The following UQCRC2 variants were observed in gnomAD, a reference collection of about 807,000 sequenced individuals.
UQCRC2 encodes the protein cytochrome b-c1 complex subunit 2, mitochondrial.
UQCRC2 carries 49 observed loss-of-function variants against 55.6 expected under a neutral mutation model. The observed-to-expected ratio is 0.88, with a 90% CI of 0.70 to 1.12. The LOEUF is 1.12. Among genes scored for constraint, UQCRC2 ranks in the 50% most tolerant of loss-of-function variants. The probability of loss-of-function intolerance (pLI) is 0.00; values close to 1 mark genes in which losing one functional copy is unlikely to be tolerated. For synonymous variants in UQCRC2, 193 were observed against 192.0 expected (o/e 1.01, Z -0.04); for missense variants, 506 against 547.8 (o/e 0.92, Z 0.76).
intron 12 of UQCRC2, 21 bp from the exon 13 acceptor site, chr16:21,980,525 AC>A: frequency 6.2e-7 from 1 of 1,606,636 alleles, no homozygotes; most frequent in South Asian, 1.1e-5. Context: ...TCTAAAACTG[AC>A]TTCTGCCTTT....
chr16:21,983,180 C>A lies in UQCRC2; in HGVS notation c.*9C>A, dbSNP rs1268101617. The A allele has an allele frequency of 1.9e-6, 3 of 1,611,662 alleles. No individual in the cohort carries two copies. In the Admixed American group the frequency reaches 5.0e-5, roughly 27 times the overall value. ...TTGTTGATGAGTTGTAATACTGATG[C>A]ACACATTACAGGAGAGAGCTGAACG... On this transcript the variant is annotated 3_prime_UTR_variant, in exon 14 of 14. Transcript: ENST00000268379.
At chr16:21,958,299 C>T (rs1567468675) in intron 3 of UQCRC2, among the ~76,000 whole-genome samples, 1 of 152,134 alleles carries the variant, frequency 6.6e-6, no homozygotes, top group Non-Finnish European at 1.5e-5. Context: ...TCAGAATAGA[C>T]TAATGAATCC....
chr16:21,972,024 C>T lies in UQCRC2; in HGVS notation c.868C>T (p.Gln290Ter). ...SAEANAFSVL[Q>*]HVLGAGPHVK... is the part of the protein sequence containing the mutation. ...AGAGGCAAATGCATTTAGTGTTCTT[C>T]AGCATGTCCTCGGTGCTGGGCCACA... Residue 290 changes from glutamine to a stop codon, truncating the protein, a stop_gained, in exon 10 of 14, where the codon CAG (glutamine) becomes TAG (stop). Coordinates refer to ENST00000268379, the MANE Select transcript of UQCRC2 (RefSeq NM_003366.4). LOFTEE classifies it high-confidence loss of function. 1 of 1,614,198 alleles carries T rather than the reference C, an allele frequency of 6.2e-7. No homozygotes were observed. Among genetic ancestry groups the T allele is most frequent in the Non-Finnish European group, 8.5e-7 (1 of 1,180,026 alleles).
intron 12 of UQCRC2, chr16:21,976,457 C>T (rs1898588516): frequency 2.4e-6 from 1 of 424,094 alleles, no homozygotes; most frequent in Non-Finnish European, 4.2e-6. Context: ...TTTGGGAGGC[C>T]AAGGCAGGTG....
intron 1 of UQCRC2, among the ~76,000 whole-genome samples, chr16:21,955,614 C>A (rs1163515604): frequency 6.6e-6 from 1 of 152,028 alleles, no homozygotes; most frequent in Non-Finnish European, 1.5e-5. Context: ...TTAATGGGAC[C>A]CTTTCACCCT....
At chr16:21,974,606 G>T (rs148980978) in intron 11 of UQCRC2, among the ~76,000 whole-genome samples, 4 of 152,302 alleles carry the variant, frequency 2.6e-5, no homozygotes, top group Non-Finnish European at 2.9e-5. Context: ...AATGTGTAGT[G>T]ATTAAGGAAT....
intron 10 of UQCRC2, among the ~76,000 whole-genome samples, chr16:21,972,976 T>C (rs1328685396): frequency 2.0e-5 from 3 of 152,202 alleles, no homozygotes; most frequent in Non-Finnish European, 4.4e-5. Flanking sequence ...GGCGCACGCC[T>C]GTAGTCCCAG....
intron 1 of UQCRC2, 126 bp downstream of exon 1, chr16:21,953,582 CG>C: frequency 8.1e-7 from 1 of 1,239,956 alleles, no homozygotes; most frequent in Non-Finnish European, 1.1e-6. Flanking sequence ...CTGAACCCTG[CG>C]GGCCAAGTGG....
chr16:21,971,492 G>A (rs773067986), intron 8 of UQCRC2, 33 bp from the exon 9 acceptor site: 3 of 1,538,588 alleles, frequency 1.9e-6, no homozygotes, highest in Non-Finnish European at 1.8e-6. Context: ...AGTAATTGTG[G>A]TTCTAGCTTT....
chr16:21,971,491 G>GGTTC lies in UQCRC2; in HGVS notation c.671-33_671-30dup, dbSNP rs757762243. ...TTTACGATTGTGTTTTAGTAATTGT[G>GGTTC]GTTCTAGCTTTGTTTTTGCTTCTGT... On this transcript the variant is annotated intron_variant, in intron 8 of 13. Coordinates refer to ENST00000268379, the MANE Select transcript of UQCRC2 (RefSeq NM_003366.4). 4 of 1,513,580 alleles carry GGTTC rather than the reference G, an allele frequency of 2.6e-6. No homozygotes were observed. In the Admixed American group the frequency reaches 7.5e-5, roughly 28 times the overall value. The allele number at this position is 1,513,580 out of a possible 1,614,324, so 93.8% of individuals were successfully genotyped here. A position where few individuals can be genotyped will look rare whatever the true frequency, so the allele number is the denominator to read the frequency against.
chr16:21,975,973 G>A (rs1425569597), intron 11 of UQCRC2, among the ~76,000 whole-genome samples, 194 bp from the exon 12 acceptor site: 1 of 152,120 alleles, frequency 6.6e-6, no homozygotes, highest in African/African-American at 2.4e-5. Context: ...CAGGAGGATT[G>A]TGTATAAACA....
rs756334914 is a variant in UQCRC2 at position 21,968,678 on chromosome 16, T to G, written c.663T>G (p.Ile221Met). Residue 221 changes from isoleucine to methionine, a missense_variant, in exon 8 of 14, where the codon ATT becomes ATG. Coordinates refer to ENST00000268379, the MANE Select transcript of UQCRC2 (RefSeq NM_003366.4). ...NHFTSARMALIGLGVSHPVLK... is the reference protein window; with the variant it reads ...NHFTSARMALMGLGVSHPVLK... Reference sequence around the variant, plus strand: ...TCACAAGTGCAAGAATGGCTTTGATTGGACTTGGTAAGTTTAGAGTATTGC... The same window carrying G: ...TCACAAGTGCAAGAATGGCTTTGATGGGACTTGGTAAGTTTAGAGTATTGC... 3 of 1,609,710 alleles carry G rather than the reference T, an allele frequency of 1.9e-6. No individual in the cohort carries two copies. In the Admixed American group the frequency reaches 5.0e-5, roughly 27 times the overall value.
At position 21,983,254 on chromosome 16, in the gene UQCRC2, A is replaced by G. The variant is rs1403378136; in HGVS notation, c.*83A>G. On this transcript the variant is annotated 3_prime_UTR_variant, in exon 14 of 14. Transcript: ENST00000268379. ...CACATGAAAGTCAGAAGTCTCTAAT[A>G]TATCATTTGTCTTTTTTCCAGTGAG... is the stretch of plus-strand genomic sequence containing the variant. 6 of 1,250,790 alleles carry G rather than the reference A, an allele frequency of 4.8e-6. No homozygotes were observed. The East Asian group carries it at 7.4e-5, about 16-fold the overall frequency. 77.5% of individuals were successfully genotyped at this position (1,250,790 alleles called of 1,614,324 possible). A position where few individuals can be genotyped will look rare whatever the true frequency, so the allele number is the denominator to read the frequency against.
rs1198116527 is a variant in UQCRC2, at chr16:21,953,525, G to A, written c.33+69G>A. 9.5e-6 allele frequency: 15 copies of A among 1,579,182 alleles called. No homozygotes were observed. In the South Asian group the frequency reaches 1.0e-4, roughly 11 times the overall value. On this transcript the variant is annotated intron_variant, in intron 1 of 13. Coordinates refer to ENST00000268379, the MANE Select transcript of UQCRC2 (RefSeq NM_003366.4). ...TGTCGACAAGGTGATACGAGGCGGA[G>A]GTGTCTGGTCTGGGGTCTGGGCCTT...
intron 13 of UQCRC2, among the ~76,000 whole-genome samples, chr16:21,981,945 A>G (rs1898740494): frequency 6.8e-6 from 1 of 147,026 alleles, no homozygotes; most frequent in Admixed American, 6.8e-5. Flanking sequence ...GGTTCACGCC[A>G]TTTTCCTGCC....
At chr16:21,966,611 T>C (rs1427929554) in intron 7 of UQCRC2, among the ~76,000 whole-genome samples, 1 of 152,236 alleles carries the variant, frequency 6.6e-6, no homozygotes, top group Non-Finnish European at 1.5e-5. Flanking sequence ...TCCCTTGCTC[T>C]TTTTGACTTA....
chr16:21,967,847 C>T (rs901944199), intron 7 of UQCRC2, among the ~76,000 whole-genome samples: 4 of 152,214 alleles, frequency 2.6e-5, no homozygotes, highest in African/African-American at 7.2e-5. Flanking sequence ...TGGTAAAACT[C>T]TGTTAGCCCT....
At position 21,953,432 on chromosome 16, in the gene UQCRC2, A is replaced by C. The variant is rs112974762; in HGVS notation, c.9A>C (p.Leu3=). Residue 3 remains leucine, a synonymous_variant, in exon 1 of 14, where the codon CTA becomes CTC. Transcript: ENST00000268379. MK[L]LTRAGSFSRF... is the part of the protein sequence containing the mutation. ...CAGAACAATCTTGAATCATGAAGCT[A>C]CTAACCAGAGCCGGCTCTTTCTCGG... 1.9e-6 allele frequency: 3 copies of C among 1,612,008 alleles called. No individual in the cohort carries two copies. The highest frequency in any genetic ancestry group is 2.7e-5 in the African/African-American group (2 of 74,450).
intron 1 of UQCRC2, among the ~76,000 whole-genome samples, chr16:21,955,445 T>A (rs1898072561): frequency 6.6e-6 from 1 of 152,192 alleles, no homozygotes; most frequent in Admixed American, 6.5e-5. Context: ...TGAGGAGGTG[T>A]TCATTGGGTC....
Sources: allele counts gnomAD v4.1 joint callset (sites outside exome capture counted in the v4.1 genomes callset), GRCh38; gene constraint gnomAD v4.1.1; transcripts MANE v1.5; gene names NCBI Gene and HGNC (gene_info 2026-07-23, HGNC 2026-07-21).